Variants in ZBTB49 observed in about 807,000 individuals in gnomAD.
The protein encoded by ZBTB49 is zinc finger and BTB domain containing 49.
ZBTB49 carries 43 observed loss-of-function variants against 57.5 expected under a neutral mutation model. The observed-to-expected ratio is 0.75, with a 90% CI of 0.59 to 0.97. The LOEUF (loss-of-function observed/expected upper bound fraction) is 0.97. Ranked by LOEUF, ZBTB49 falls within the 50% of genes least tolerant of loss-of-function variation. The probability of loss-of-function intolerance (pLI) is 0.00; values close to 1 mark genes in which losing one functional copy is unlikely to be tolerated. For missense variants in ZBTB49, 938 were observed against 947.7 expected, an observed-to-expected ratio of 0.99 and a Z score of 0.13; for synonymous variants, 369 against 362.1, an observed-to-expected ratio of 1.02 and a Z score of -0.22.
At chr4:4,315,220 C>T (rs1721135935) in intron 5 of ZBTB49, among the ~76,000 whole-genome samples, 1 of 152,198 alleles carries the variant, frequency 6.6e-6, no homozygotes, top group Admixed American at 6.5e-5. Flanking sequence ...GTTGGCACCA[C>T]CCAGCTAGGG....
At chr4:4,291,847 A>C (rs1719945095) in intron 1 of ZBTB49, among the ~76,000 whole-genome samples, 1 of 152,216 alleles carries the variant, frequency 6.6e-6, no homozygotes, top group Admixed American at 6.5e-5. Flanking sequence ...ACTTTGGTAC[A>C]GGGCTGGGTG....
chr4:4,299,775 A>T (rs913963687), intron 1 of ZBTB49, among the ~76,000 whole-genome samples, 152 bp from the exon 2 acceptor site: 2 of 119,398 alleles, frequency 1.7e-5, no homozygotes, highest in Admixed American at 8.2e-5. Flanking sequence ...TCAGAAACAG[A>T]GGTGTGTGTG....
At chr4:4,294,872 C>CGTGTATGTGTGTGTGTGTGTGTGTGT (rs1553803052) in intron 1 of ZBTB49, among the ~76,000 whole-genome samples, 2 of 138,128 alleles carry the variant, frequency 1.4e-5, no homozygotes, top group East Asian at 2.2e-4. Context: ...AGGAGGGTTT[C>CGTGTATGTGTGTGTGTGTGTGTGTGT]GTGTGTGTGT....
chr4:4,296,638 T>G (rs936621106), intron 1 of ZBTB49, among the ~76,000 whole-genome samples: 8 of 152,184 alleles, frequency 5.3e-5, no homozygotes, highest in African/African-American at 1.2e-4. Flanking sequence ...TATGTCCTTA[T>G]CAGCAGCATG....
At chr4:4,317,888 T>C (rs1241833133) in intron 7 of ZBTB49, among the ~76,000 whole-genome samples, 2 of 152,202 alleles carry the variant, frequency 1.3e-5, no homozygotes, top group Non-Finnish European at 2.9e-5. Context: ...GCTGGCGTCT[T>C]TCCTGGCTCT....
At chr4:4,312,754 G>A (rs1425709151) in intron 4 of ZBTB49, among the ~76,000 whole-genome samples, 1 of 152,226 alleles carries the variant, frequency 6.6e-6, no homozygotes, top group East Asian at 1.9e-4. Flanking sequence ...TCCACAGGGT[G>A]CTGTTAAGAG....
rs1721407406 is a variant in ZBTB49 at position 4,321,312 on chromosome 4, A to C, written c.2294A>C (p.Gln765Pro). Residue 765 changes from glutamine (Q) to proline (P), a missense_variant, in exon 8 of 8, where the codon CAG (glutamine) becomes CCG (proline). Physicochemically the swap from Gln to Pro is moderately conservative, Grantham distance 76 (BLOSUM62 -1). Around this residue, in one of 3 missense-constraint regions of ZBTB49, gnomAD observed 835 missense variants for 819.1 expected, o/e 1.02. Coordinates refer to ENST00000337872, the MANE Select transcript of ZBTB49 (RefSeq NM_145291.4). ...KTLQNENELD[Q>P] ...CTGCAGAATGAAAACGAGTTAGACC[A>C]GTGATGTACCGCGCTTCTCCACGGT... The C allele has an allele frequency of 1.2e-6, 2 of 1,609,438 alleles. No homozygotes were observed. Among genetic ancestry groups the C allele is most frequent in the Admixed American group, 3.3e-5 (2 of 60,012 alleles).
At position 4,303,102 on chromosome 4, in the gene ZBTB49, C is replaced by G; in HGVS notation, c.1255+11C>G. On this transcript the variant is annotated intron_variant, in intron 3 of 7. Coordinates refer to ENST00000337872, the MANE Select transcript of ZBTB49 (RefSeq NM_145291.4). ...AACGGTCTCATACAGGTAACTGATTCAGTACCCACAGGCAGAAGGGAAGGA... is the reference window on the plus strand; with the variant it reads ...AACGGTCTCATACAGGTAACTGATTGAGTACCCACAGGCAGAAGGGAAGGA... 6.4e-7 allele frequency: 1 copy of G among 1,572,568 alleles called. No individual in the cohort carries two copies. Among genetic ancestry groups the G allele is most frequent in the South Asian group, 1.2e-5 (1 of 84,860 alleles).
At chr4:4,294,893 G>A (rs1392081814) in intron 1 of ZBTB49, among the ~76,000 whole-genome samples, 1 of 151,600 alleles carries the variant, frequency 6.6e-6, no homozygotes, top group Non-Finnish European at 1.5e-5. Context: ...GTGTGTGTGT[G>A]TGTGTGTGTG....
At chr4:4,307,172 G>A (rs1482695271) in intron 4 of ZBTB49, among the ~76,000 whole-genome samples, 2 of 152,176 alleles carry the variant, frequency 1.3e-5, no homozygotes, top group Non-Finnish European at 2.9e-5. Context: ...GTCTCTCATC[G>A]CGTACTCGGT....
intron 4 of ZBTB49, among the ~76,000 whole-genome samples, chr4:4,312,497 G>T (rs556039355): frequency 6.6e-6 from 1 of 152,276 alleles, no homozygotes; most frequent in East Asian, 1.9e-4. Flanking sequence ...CTCCTGATTT[G>T]CCCTTTTGCA....
At chr4:4,309,749 G>T (rs1314976969) in intron 4 of ZBTB49, among the ~76,000 whole-genome samples, 1 of 152,182 alleles carries the variant, frequency 6.6e-6, no homozygotes, top group East Asian at 1.9e-4. Flanking sequence ...GCCATCCATG[G>T]TGGAAACACA....
chr4:4,307,308 G>A (rs921065431), intron 4 of ZBTB49, among the ~76,000 whole-genome samples: 1 of 152,158 alleles, frequency 6.6e-6, no homozygotes, highest in East Asian at 1.9e-4. Context: ...CTGAGTGCTC[G>A]TCCCTCCAGC....
rs570976309 is a variant in ZBTB49, at chr4:4,296,777, C to T, written c.-19-3150C>T. On this transcript the variant is annotated intron_variant, in intron 1 of 7. Transcript: ENST00000337872. Reference sequence around the variant, plus strand: ...GAGGAACCTAGGGGGAGGGCTTTGTCGTTACCCTGTTTTGCTTTGTTTTCA... The same window carrying T: ...GAGGAACCTAGGGGGAGGGCTTTGTTGTTACCCTGTTTTGCTTTGTTTTCA... Among the ~76,000 whole-genome samples the T allele has an allele frequency of 2.5e-3, 381 of 152,248 alleles. 4 individuals carry two copies. The highest frequency in any genetic ancestry group is 8.4e-3 in the African/African-American group (348 of 41,538).
intron 1 of ZBTB49, among the ~76,000 whole-genome samples, chr4:4,291,183 G>T (rs766491220): frequency 3.3e-5 from 5 of 152,200 alleles, no homozygotes; most frequent in Non-Finnish European, 5.9e-5. Flanking sequence ...ATACTGGGTG[G>T]CTTAAACAAC....
chr4:4,313,221 G>A (rs1158207368), intron 5 of ZBTB49, 107 bp downstream of exon 5: 3 of 1,259,814 alleles, frequency 2.4e-6, no homozygotes, highest in African/African-American at 1.5e-5. Context: ...GCCACAGGTG[G>A]GCTCACCCTG....
At chr4:4,298,671 C>A (rs1050038925) in intron 1 of ZBTB49, among the ~76,000 whole-genome samples, 1 of 152,162 alleles carries the variant, frequency 6.6e-6, no homozygotes, top group Non-Finnish European at 1.5e-5. Flanking sequence ...CTCAAGTGAT[C>A]CTCCTGCCTC....
Position 4,313,033 on chromosome 4 carries a change from T to C in ZBTB49, c.1303-8T>C. On this transcript the variant is annotated splice_region_variant and splice_polypyrimidine_tract_variant and intron_variant, in intron 4 of 7. Coordinates refer to ENST00000337872, the MANE Select transcript of ZBTB49 (RefSeq NM_145291.4). ...TATTGGTGTGTTTTTCTTTTCCTCT[T>C]TTTGCAGGCAGGTAACTTGCAGACT... 6.2e-7 allele frequency: 1 copy of C among 1,613,792 alleles called. No homozygotes were observed. Among genetic ancestry groups the C allele is most frequent in the Non-Finnish European group, 8.5e-7 (1 of 1,179,936 alleles).
At chr4:4,301,858 T>G in intron 2 of ZBTB49, 131 bp from the exon 3 acceptor site, 1 of 949,734 alleles carries the variant, frequency 1.1e-6, no homozygotes, top group Non-Finnish European at 1.4e-6. Context: ...AGGATTAAAA[T>G]GTACTTATGT....
Sources: gnomAD v4.1 joint callset for allele counts (sites outside exome capture counted in the v4.1 genomes callset) on GRCh38, gnomAD v4.1.1 for gene constraint, gnomAD v4.1.1 regional missense constraint, MANE v1.5 for transcripts, NCBI Gene and HGNC (gene_info 2026-07-23, HGNC 2026-07-21) for gene names.